RAB22A: variants seen among roughly 807,000 people sequenced by gnomAD.
RAB22A encodes ras-related protein Rab-22A.
A neutral mutation model predicts 30.2 loss-of-function variants in RAB22A; 13 were observed. The ratio of observed to expected loss-of-function variants is 0.43; its 90% CI spans 0.28 to 0.68. The LOEUF is 0.68. RAB22A is among the 30% of genes least tolerant of loss of function. RAB22A has a pLI of 0.18. For missense variants in RAB22A, 177 were observed against 246.8 expected, an observed-to-expected ratio of 0.72 and a Z score of 1.89; for synonymous variants, 89 against 87.2, an observed-to-expected ratio of 1.02 and a Z score of -0.11.
Position 58,359,914 on chromosome 20 carries a change from G to GT in RAB22A, c.*212dup, listed in dbSNP as rs2122975073. The stretch of plus-strand genomic sequence containing the variant: ...TTCTATTATGTAAAGAATCTCTAGT[G>GT]TACAAAGGGACTACATCGTTGGCTT... On this transcript the variant is annotated 3_prime_UTR_variant, in exon 7 of 7. Coordinates refer to ENST00000244040, the MANE Select transcript of RAB22A (RefSeq NM_020673.3). 1 of 340,338 alleles carries GT rather than the reference G, an allele frequency of 2.9e-6. No homozygotes were observed. Among genetic ancestry groups the GT allele is most frequent in the East Asian group, 5.0e-5 (1 of 19,904 alleles). 21.1% of individuals were successfully genotyped at this position (340,338 alleles called of 1,614,324 possible).
chr20:58,312,880 T>G (rs964689991), intron 2 of RAB22A, among the ~76,000 whole-genome samples: 8 of 152,162 alleles, frequency 5.3e-5, no homozygotes, highest in African/African-American at 2.4e-5. Flanking sequence ...ATTAAAATGC[T>G]TTTCCGTGTC....
rs1341298337 is a variant in RAB22A, at chr20:58,364,549, G to T, written c.*4846G>T. ...AGTATATGGTGAAATTAAAACCGTG[G>T]TGTCTAACAGATTTAACAAAAAGTG... On this transcript the variant is annotated 3_prime_UTR_variant, in exon 7 of 7. Coordinates refer to ENST00000244040, the MANE Select transcript of RAB22A (RefSeq NM_020673.3). The T allele has an allele frequency of 6.6e-6, 1 of 152,050 alleles. No individual in the cohort carries two copies. The highest frequency in any genetic ancestry group is 1.5e-5 in the Non-Finnish European group (1 of 68,014). 9.4% of individuals were successfully genotyped at this position (152,050 alleles called of 1,614,324 possible). A position where few individuals can be genotyped will look rare whatever the true frequency, so the allele number is the denominator to read the frequency against.
At chr20:58,345,727 C>G (rs554288186) in intron 3 of RAB22A, 1 of 152,276 alleles carries the variant, frequency 6.6e-6, no homozygotes, top group Non-Finnish European at 1.5e-5. Context: ...ACACAAGACA[C>G]GTCTTGTAAG....
At chr20:58,313,369 C>A (rs1986269330) in intron 2 of RAB22A, among the ~76,000 whole-genome samples, 1 of 152,162 alleles carries the variant, frequency 6.6e-6, no homozygotes, top group Admixed American at 6.5e-5. Flanking sequence ...GTGGCTTCCT[C>A]CTTTGTGACC....
rs941644162 is a variant in RAB22A, at chr20:58,362,331, G to A, written c.*2628G>A. The A allele has an allele frequency of 2.0e-5, 3 of 152,136 alleles. No homozygotes were observed. The highest frequency in any genetic ancestry group is 7.2e-5 in the African/African-American group (3 of 41,418). The allele number at this position is 152,136 out of a possible 1,614,324, so 9.4% of individuals were successfully genotyped here. On this transcript the variant is annotated 3_prime_UTR_variant, in exon 7 of 7. Transcript: ENST00000244040. ...TTTTGAACACATTTTGGATTATTAA[G>A]CTGACTAAGCAATGATCTAATACAC...
chr20:58,346,887 C>G (rs1029171532), intron 3 of RAB22A, among the ~76,000 whole-genome samples: 2 of 152,182 alleles, frequency 1.3e-5, no homozygotes, highest in Admixed American at 1.3e-4. Flanking sequence ...GTTTCCTTAC[C>G]TGTCTGCCTT....
rs1987326386 is a variant in RAB22A, at chr20:58,366,751, A to G, written c.*7048A>G. On this transcript the variant is annotated 3_prime_UTR_variant, in exon 7 of 7. Transcript: ENST00000244040. ...CGTGGGAACACGGCCAGTTAACAAA[A>G]TGGGTTTTGGTTTTTTGTTTTGTTT... 6.6e-6 allele frequency: 1 copy of G among 152,210 alleles called. No homozygotes were observed. Among genetic ancestry groups the G allele is most frequent in the Non-Finnish European group, 1.5e-5 (1 of 68,030 alleles). The allele number at this position is 152,210 out of a possible 1,614,324, so 9.4% of individuals were successfully genotyped here. A position where few individuals can be genotyped will look rare whatever the true frequency, so the allele number is the denominator to read the frequency against.
Position 58,311,068 on chromosome 20 carries a change from T to C in RAB22A, c.62T>C (p.Ile21Thr). The change falls in exon 2 of 7, where the codon ATT becomes ACT. Residue 21 changes from isoleucine to threonine, a missense_variant. Physicochemically the swap from Ile to Thr is moderately conservative, Grantham distance 89. Transcript: ENST00000244040. ...LGDTGVGKSS[I>T]VWRFVEDSFD... ...GATACAGGTGTAGGTAAATCGAGTA[T>C]TGTGTGGCGGTTTGTGGAAGACAGT... is the stretch of plus-strand genomic sequence containing the variant. 1 of 1,606,864 alleles carries C rather than the reference T, an allele frequency of 6.2e-7. No individual in the cohort carries two copies.
intron 2 of RAB22A, among the ~76,000 whole-genome samples, chr20:58,343,090 C>T (rs1338710691): frequency 6.6e-6 from 1 of 152,150 alleles, no homozygotes; most frequent in Non-Finnish European, 1.5e-5. Flanking sequence ...CTCGATGAGG[C>T]CCCAAGGTGT....
chr20:58,321,431 A>G (rs1986458548), intron 2 of RAB22A, among the ~76,000 whole-genome samples: 1 of 151,994 alleles, frequency 6.6e-6, no homozygotes, highest in Non-Finnish European at 1.5e-5. Context: ...TATATCTGAC[A>G]TTTGTTTCCT....
intron 2 of RAB22A, among the ~76,000 whole-genome samples, chr20:58,340,203 T>A (rs534439257): frequency 6.6e-6 from 1 of 152,176 alleles, no homozygotes. Context: ...AAAAGCGATA[T>A]GACTTCTTAG....
intron 2 of RAB22A, among the ~76,000 whole-genome samples, chr20:58,333,964 G>A (rs1986702363): frequency 6.6e-6 from 1 of 152,110 alleles, no homozygotes; most frequent in Non-Finnish European, 1.5e-5. Flanking sequence ...AGACTGAGGT[G>A]GGAGGATTGC....
At chr20:58,311,224 T>A in intron 2 of RAB22A, 102 bp downstream of exon 2, 5 of 1,096,812 alleles carry the variant, frequency 4.6e-6, no homozygotes, top group Non-Finnish European at 7.0e-6. Flanking sequence ...AGTCATTGAA[T>A]TCTGAGTCGC....
chr20:58,362,570 C>T lies in RAB22A; in HGVS notation c.*2867C>T, dbSNP rs930323439. 1 of 152,144 alleles carries T rather than the reference C, an allele frequency of 6.6e-6. No homozygotes were observed. Among genetic ancestry groups the T allele is most frequent in the South Asian group, 2.1e-4 (1 of 4,824 alleles). The allele number at this position is 152,144 out of a possible 1,614,324, so 9.4% of individuals were successfully genotyped here. A position where few individuals can be genotyped will look rare whatever the true frequency, so the allele number is the denominator to read the frequency against. On this transcript the variant is annotated 3_prime_UTR_variant, in exon 7 of 7. Coordinates refer to ENST00000244040, the MANE Select transcript of RAB22A (RefSeq NM_020673.3). The stretch of plus-strand genomic sequence containing the variant: ...GAAATTGAAATAAGCTCTTTGCAGG[C>T]GTCCAATCCTAGAAACCAATGGTCT...
Position 58,309,925 on chromosome 20 carries a change from C to G in RAB22A, c.-52C>G, listed in dbSNP as rs1473351557. Reference sequence around the variant, plus strand: ...GGGATGCTCTTGCTGGGCCTGGCCTCTCCCTTCTCAACTTAGGGCGGCGGC... The same window carrying G: ...GGGATGCTCTTGCTGGGCCTGGCCTGTCCCTTCTCAACTTAGGGCGGCGGC... On this transcript the variant is annotated 5_prime_UTR_variant, in exon 1 of 7. Coordinates refer to ENST00000244040, the MANE Select transcript of RAB22A (RefSeq NM_020673.3). 9 of 1,255,336 alleles carry G rather than the reference C, an allele frequency of 7.2e-6. No homozygotes were observed. In the East Asian group the frequency reaches 2.8e-4, roughly 39 times the overall value. The allele number at this position is 1,255,336 out of a possible 1,614,324, so 77.8% of individuals were successfully genotyped here. A position where few individuals can be genotyped will look rare whatever the true frequency, so the allele number is the denominator to read the frequency against.
At position 58,309,817 on chromosome 20, in the gene RAB22A, C is replaced by G; in HGVS notation, c.-160C>G. On this transcript the variant is annotated 5_prime_UTR_variant, in exon 1 of 7. Transcript: ENST00000244040. The stretch of plus-strand genomic sequence containing the variant: ...CGGGCCCCACGCGGCTGGCAGCGGA[C>G]AGGCCGGACCTACGGCCGGAGGACG... 1 of 605,328 alleles carries G rather than the reference C, an allele frequency of 1.7e-6. No individual in the cohort carries two copies. The highest frequency in any genetic ancestry group is 5.3e-4 in the Middle Eastern group (1 of 1,894). The allele number at this position is 605,328 out of a possible 1,614,324, so 37.5% of individuals were successfully genotyped here.
chr20:58,356,536 A>T (rs1987131870), intron 6 of RAB22A, among the ~76,000 whole-genome samples: 1 of 152,186 alleles, frequency 6.6e-6, no homozygotes, highest in African/African-American at 2.4e-5. Context: ...TATAATAGAC[A>T]TACAGAAATG....
rs1987246145 is a variant in RAB22A, at chr20:58,362,678, A to G, written c.*2975A>G. The G allele has an allele frequency of 6.6e-6, 1 of 152,248 alleles. No individual in the cohort carries two copies. The highest frequency in any genetic ancestry group is 1.5e-5 in the Non-Finnish European group (1 of 68,048). 9.4% of individuals were successfully genotyped at this position (152,248 alleles called of 1,614,324 possible). ...GGTGATTAAAAGAACATAAAGTAAG[A>G]TTATGATTAAGTGTCCATCACCTGC... is the stretch of plus-strand genomic sequence containing the variant. On this transcript the variant is annotated 3_prime_UTR_variant, in exon 7 of 7. Coordinates refer to ENST00000244040, the MANE Select transcript of RAB22A (RefSeq NM_020673.3).
At chr20:58,340,639 G>A (rs970228142) in intron 2 of RAB22A, among the ~76,000 whole-genome samples, 12 of 152,098 alleles carry the variant, frequency 7.9e-5, no homozygotes, top group African/African-American at 2.7e-4. Flanking sequence ...GAGTTACAGC[G>A]AGGCCCCTAC....
Sources: allele counts gnomAD v4.1 joint callset (sites outside exome capture counted in the v4.1 genomes callset), GRCh38; gene constraint gnomAD v4.1.1; transcripts MANE v1.5; gene names NCBI Gene and HGNC (gene_info 2026-07-23, HGNC 2026-07-21).